BLTP1: variants seen among roughly 807,000 people sequenced by gnomAD.
BLTP1 encodes the protein fragile site-associated protein.
the BLTP1 span, chr4:122,269,762 G>A: frequency 2.4e-6 from 2 of 828,450 alleles, no homozygotes; most frequent in Non-Finnish European, 2.9e-6. Flanking sequence ...ATTTAGCATT[G>A]AGTCTGGCAT....
chr4:122,205,367 GT>G, the BLTP1 span, among the ~76,000 whole-genome samples: 1 of 151,672 alleles, frequency 6.6e-6, no homozygotes, highest in East Asian at 1.9e-4. Flanking sequence ...TTCTTATTTT[GT>G]ACAAGAGAAA....
chr4:122,320,551 A>G, the BLTP1 span, among the ~76,000 whole-genome samples: 1 of 152,122 alleles, frequency 6.6e-6, no homozygotes, highest in South Asian at 2.1e-4. Context: ...TTTATACCTG[A>G]TAATTTTCTT....
the BLTP1 span, chr4:122,197,883 T>A: frequency 1.3e-6 from 1 of 760,884 alleles, no homozygotes; most frequent in Non-Finnish European, 1.6e-6. Flanking sequence ...TTTGTTAAAT[T>A]TATCAAATTG....
At chr4:122,172,049 C>A in the BLTP1 span, 1 of 606,772 alleles carries the variant, frequency 1.6e-6, no homozygotes, top group Non-Finnish European at 2.1e-6. Context: ...AATGGCATAT[C>A]ATCAAAATAA....
chr4:122,270,878 A>G, the BLTP1 span: 1 of 1,178,324 alleles, frequency 8.5e-7, no homozygotes, highest in Non-Finnish European at 1.2e-6. Context: ...GAAAAAGCAT[A>G]TTTTACTGGT....
chr4:122,198,795 AAG>A, the BLTP1 span, among the ~76,000 whole-genome samples: 1 of 152,192 alleles, frequency 6.6e-6, no homozygotes. Flanking sequence ...TATTTAAAAA[AAG>A]AAAAAAAGCC....
the BLTP1 span, chr4:122,187,244 T>G: frequency 1.0e-6 from 1 of 980,608 alleles, no homozygotes; most frequent in South Asian, 4.7e-5. Flanking sequence ...ATAAGAGTGC[T>G]CCAGTAGACA....
the BLTP1 span, among the ~76,000 whole-genome samples, chr4:122,310,604 A>G: frequency 6.6e-6 from 1 of 152,166 alleles, no homozygotes; most frequent in Non-Finnish European, 1.5e-5. Flanking sequence ...GATTCATCTC[A>G]GTGTCCCTCC....
At chr4:122,319,749 C>T in the BLTP1 span, among the ~76,000 whole-genome samples, 3 of 151,974 alleles carry the variant, frequency 2.0e-5, no homozygotes, top group South Asian at 2.1e-4. Flanking sequence ...CCATCTTGGC[C>T]AGGCTGGTCT....
chr4:122,325,182 T>A, the BLTP1 span: 2 of 1,531,498 alleles, frequency 1.3e-6, no homozygotes, highest in Non-Finnish European at 1.8e-6. Flanking sequence ...GTCCAGGAAT[T>A]TTTTTAATGA....
the BLTP1 span, among the ~76,000 whole-genome samples, chr4:122,356,210 ATTT>A: frequency 1.3e-5 from 2 of 152,192 alleles, no homozygotes; most frequent in East Asian, 3.9e-4. Flanking sequence ...ATTGGACTTC[ATTT>A]ATAGGACTAT....
At chr4:122,329,921 C>G in the BLTP1 span, among the ~76,000 whole-genome samples, 1 of 151,792 alleles carries the variant, frequency 6.6e-6, no homozygotes, top group Non-Finnish European at 1.5e-5. Context: ...CCATTCTATT[C>G]TCTACTTCTA....
the BLTP1 span, chr4:122,164,341 G>A: frequency 1.1e-6 from 1 of 911,320 alleles, no homozygotes; most frequent in South Asian, 5.1e-5. Context: ...TTAAATTATG[G>A]AAATATTACA....
chr4:122,315,066 C>T, the BLTP1 span, among the ~76,000 whole-genome samples: 3 of 152,138 alleles, frequency 2.0e-5, no homozygotes, highest in Non-Finnish European at 2.9e-5. Context: ...CTCGTTTCTC[C>T]ACCCTCAGTC....
At chr4:122,361,542 T>A in the BLTP1 span, among the ~76,000 whole-genome samples, 1 of 152,072 alleles carries the variant, frequency 6.6e-6, no homozygotes, top group Admixed American at 6.6e-5. Flanking sequence ...GTTGGATAAA[T>A]CATCAATACA....
the BLTP1 span, chr4:122,167,592 C>T: frequency 1.8e-5 from 16 of 896,454 alleles, no homozygotes; most frequent in African/African-American, 2.5e-4. Flanking sequence ...ATGTTCTTCT[C>T]CTTCCACTCA....
At chr4:122,214,888 A>G in the BLTP1 span, among the ~76,000 whole-genome samples, 1 of 152,168 alleles carries the variant, frequency 6.6e-6, no homozygotes, top group Non-Finnish European at 1.5e-5. Flanking sequence ...CTGGGATTAC[A>G]GGCATGAGCC....
chr4:122,225,037 A>G, the BLTP1 span: 5 of 970,254 alleles, frequency 5.2e-6, no homozygotes, highest in South Asian at 3.3e-5. Context: ...TTTTTCTACT[A>G]TATGGAGTAA....
the BLTP1 span, among the ~76,000 whole-genome samples, chr4:122,157,972 T>G: frequency 6.6e-6 from 1 of 152,010 alleles, no homozygotes; most frequent in African/African-American, 2.4e-5. Context: ...TTTTTTTGGG[T>G]GGGTAGTTTG....
Sources: allele counts gnomAD v4.1 joint callset (sites outside exome capture counted in the v4.1 genomes callset), GRCh38; gene constraint gnomAD v4.1.1; transcripts MANE v1.5; gene names NCBI Gene and HGNC (gene_info 2026-07-23, HGNC 2026-07-21).